Variants in SPAST observed in about 807,000 individuals in gnomAD.
SPAST encodes spastic paraplegia 4 (autosomal dominant; spastin).
Under a neutral mutation model 76.6 loss-of-function variants are expected in SPAST, and 30 were observed. That is an observed-to-expected ratio of 0.39 (90% confidence interval 0.29 to 0.53). The LOEUF is 0.53. Among genes scored for constraint, SPAST ranks in the 20% least tolerant of loss-of-function variants. The pLI, the probability that SPAST is intolerant of heterozygous loss-of-function variation, is 0.68. For missense variants in SPAST, 717 were observed against 770.5 expected (o/e 0.93, Z 0.82); for synonymous variants, 305 against 281.0 (o/e 1.09, Z -0.86).
chr2:32,140,500 T>C (rs1324049389), intron 12 of SPAST, among the ~76,000 whole-genome samples: 1 of 152,032 alleles, frequency 6.6e-6, no homozygotes, highest in South Asian at 2.1e-4. Flanking sequence ...CACACACACC[T>C]GTAATCCCAG....
At chr2:32,098,912 A>G in intron 4 of SPAST, 21 bp downstream of exon 4, 1 of 1,455,202 alleles carries the variant, frequency 6.9e-7, no homozygotes, top group Non-Finnish European at 9.7e-7. Context: ...GTTAACTAAC[A>G]TAAAATAATA....
rs768664944 is a variant in SPAST, at chr2:32,089,557, A to G, written c.538A>G (p.Lys180Glu). 1 of 1,607,420 alleles carries G rather than the reference A, an allele frequency of 6.2e-7. No individual in the cohort carries two copies. The highest frequency in any genetic ancestry group is 2.2e-5 in the East Asian group (1 of 44,820). The change falls in exon 3 of 17, where the codon AAA (lysine) becomes GAA (glutamate). Residue 180 changes from lysine (K) to glutamate (E), a missense_variant. Lys to Glu is a moderately conservative substitution (Grantham distance 56). This residue lies in a region of SPAST where 543 missense variants were observed against 445.2 expected (regional missense o/e 1.22). Coordinates refer to ENST00000315285, the MANE Select transcript of SPAST (RefSeq NM_014946.4). ...QCERARRLQAKMMTNLVMAKD... is the reference protein window; with the variant it reads ...QCERARRLQAEMMTNLVMAKD... Reference sequence around the variant, plus strand: ...TGAAAGAGCTAGACGCCTTCAAGCTAAAATGATGACTAATTTGGTTATGGC... The same window carrying G: ...TGAAAGAGCTAGACGCCTTCAAGCTGAAATGATGACTAATTTGGTTATGGC...
chr2:32,137,197 AT>A lies in SPAST; in HGVS notation c.1493+12del. 6.3e-7 allele frequency: 1 copy of A among 1,588,438 alleles called. No homozygotes were observed. The highest frequency in any genetic ancestry group is 8.6e-7 in the Non-Finnish European group (1 of 1,156,670). ...GATGAGGCTGTTCTCAGGTAGGGAG[AT>A]TTATATGGAAATACATGCATTTATT... On this transcript the variant is annotated intron_variant, in intron 12 of 16. Transcript: ENST00000315285.
chr2:32,102,665 A>C (rs1678172677), intron 4 of SPAST, among the ~76,000 whole-genome samples: 2 of 152,178 alleles, frequency 1.3e-5, no homozygotes, highest in African/African-American at 4.8e-5. Flanking sequence ...GTTTATTGAG[A>C]GTTTTTAGCA....
intron 9 of SPAST, chr2:32,129,998 C>G (rs930865885): frequency 6.6e-6 from 1 of 152,630 alleles, no homozygotes; most frequent in African/African-American, 2.4e-5. Context: ...GACCCTGTCT[C>G]AAAGAAACAA....
intron 15 of SPAST, among the ~76,000 whole-genome samples, chr2:32,145,738 A>G (rs1245637353): frequency 6.6e-6 from 1 of 152,166 alleles, no homozygotes; most frequent in Non-Finnish European, 1.5e-5. Context: ...ACCACGACCA[A>G]TTCTTTTTAG....
intron 1 of SPAST, among the ~76,000 whole-genome samples, chr2:32,081,762 C>T (rs1452575127): frequency 4.8e-5 from 5 of 103,194 alleles, no homozygotes; most frequent in Admixed American, 1.5e-4. Flanking sequence ...CCAGCCTGGG[C>T]GACAGAGTGA....
chr2:32,110,399 T>C (rs1168159315), intron 4 of SPAST, among the ~76,000 whole-genome samples: 2 of 148,888 alleles, frequency 1.3e-5, no homozygotes, highest in East Asian at 3.9e-4. Flanking sequence ...ATTACAGGCG[T>C]GAGCCACCGC....
intron 16 of SPAST, among the ~76,000 whole-genome samples, chr2:32,150,003 T>A (rs1000942080): frequency 1.3e-5 from 2 of 151,920 alleles, no homozygotes; most frequent in African/African-American, 4.8e-5. Flanking sequence ...CAGGCTTTTA[T>A]TCGCCTGTCG....
At chr2:32,109,401 G>A (rs1331889061) in intron 4 of SPAST, among the ~76,000 whole-genome samples, 2 of 151,992 alleles carry the variant, frequency 1.3e-5, no homozygotes, top group Non-Finnish European at 2.9e-5. Flanking sequence ...GAGCCACCAC[G>A]CCTGGCCTTA....
At chr2:32,081,819 T>C (rs1177198788) in intron 1 of SPAST, among the ~76,000 whole-genome samples, 4 of 110,834 alleles carry the variant, frequency 3.6e-5, no homozygotes, top group Non-Finnish European at 5.9e-5. Flanking sequence ...AGAAAAGTGC[T>C]CCAAATGCTG....
intron 2 of SPAST, among the ~76,000 whole-genome samples, chr2:32,089,116 C>T (rs939347141): frequency 2.6e-5 from 4 of 151,654 alleles, no homozygotes; most frequent in African/African-American, 9.7e-5. Context: ...GGCTGGAATG[C>T]TGTGATGTGG....
intron 7 of SPAST, among the ~76,000 whole-genome samples, chr2:32,124,181 A>G (rs1679115543): frequency 6.6e-6 from 1 of 152,224 alleles, no homozygotes; most frequent in African/African-American, 2.4e-5. Flanking sequence ...CAATAAGAAA[A>G]TATACAACCC....
At chr2:32,105,109 C>G (rs1173785999) in intron 4 of SPAST, among the ~76,000 whole-genome samples, 1 of 152,170 alleles carries the variant, frequency 6.6e-6, no homozygotes, top group East Asian at 1.9e-4. Flanking sequence ...TAGATTTGGT[C>G]TTTTCACATA....
At chr2:32,149,595 C>T (rs1021850606) in intron 16 of SPAST, among the ~76,000 whole-genome samples, 3 of 152,128 alleles carry the variant, frequency 2.0e-5, no homozygotes, top group African/African-American at 4.8e-5. Flanking sequence ...CAACCAACTG[C>T]AGATCAAAAA....
chr2:32,113,217 C>G (rs142460195), intron 4 of SPAST, among the ~76,000 whole-genome samples: 19 of 151,526 alleles, frequency 1.3e-4, no homozygotes, highest in Middle Eastern at 3.4e-3. Context: ...AATCGGGTAG[C>G]TGGAACTACA....
chr2:32,081,134 T>C (rs1293877294), intron 1 of SPAST, among the ~76,000 whole-genome samples: 2 of 152,026 alleles, frequency 1.3e-5, no homozygotes, highest in African/African-American at 4.8e-5. Context: ...AATTTTTCTG[T>C]TTTTAGTAGA....
chr2:32,136,707 C>T (rs1305863935), intron 10 of SPAST, 69 bp downstream of exon 10: 5 of 1,368,342 alleles, frequency 3.7e-6, no homozygotes, highest in African/African-American at 1.4e-5. Context: ...AGGAAAGATA[C>T]GATTGGAAAC....
intron 12 of SPAST, among the ~76,000 whole-genome samples, chr2:32,140,141 C>G (rs1299355505): frequency 6.6e-6 from 1 of 151,998 alleles, no homozygotes; most frequent in Non-Finnish European, 1.5e-5. Flanking sequence ...CTTTTAAACT[C>G]TTAGGTCTTT....
Sources: allele counts gnomAD v4.1 joint callset (sites outside exome capture counted in the v4.1 genomes callset), GRCh38; gene constraint gnomAD v4.1.1; regional missense constraint gnomAD v4.1.1; transcripts MANE v1.5; gene names NCBI Gene and HGNC (gene_info 2026-07-23, HGNC 2026-07-21).